The following AGO3 variants were observed in gnomAD, a reference collection of about 807,000 sequenced individuals.
AGO3 encodes argonaute RISC catalytic component 3, also known as protein argonaute-3.
Under a neutral mutation model 105.5 loss-of-function variants are expected in AGO3, and 16 were observed. That is an observed-to-expected ratio of 0.15 (90% CI 0.10 to 0.23). AGO3 has a LOEUF of 0.23. Ranked by LOEUF, AGO3 falls within the 10% of genes least tolerant of loss-of-function variation. AGO3 has a pLI of 1.00. For missense variants in AGO3, 534 were observed against 1,088.0 expected, an observed-to-expected ratio of 0.49 and a Z score of 7.16; for synonymous variants, 340 against 367.3, an observed-to-expected ratio of 0.93 and a Z score of 0.85.
At chr1:36,053,858 C>T (rs1642821975) in intron 17 of AGO3, among the ~76,000 whole-genome samples, 1 of 150,184 alleles carries the variant, frequency 6.7e-6, no homozygotes, top group Non-Finnish European at 1.5e-5. Context: ...AAGCGATTCT[C>T]CTGCCTCAGC....
At chr1:35,937,434 T>A (rs1339139478) in intron 1 of AGO3, among the ~76,000 whole-genome samples, 1 of 151,066 alleles carries the variant, frequency 6.6e-6, no homozygotes, top group Non-Finnish European at 1.5e-5. Flanking sequence ...GGCTCCCACC[T>A]GTAATCCCAG....
Position 36,072,110 on chromosome 1 carries a change from T to C in AGO3, c.*16365T>C, listed in dbSNP as rs980315013. On this transcript the variant is annotated 3_prime_UTR_variant, in exon 19 of 19. Transcript: ENST00000373191. ...GTTAAACTATCTTCCCCACAAAAAA[T>C]ATTATACTTCAGTTAAACTATCTTC... The C allele has an allele frequency of 6.6e-6, 1 of 152,220 alleles. No homozygotes were observed. The highest frequency in any genetic ancestry group is 1.5e-5 in the Non-Finnish European group (1 of 68,034). The allele number at this position is 152,220 out of a possible 1,614,324, so 9.4% of individuals were successfully genotyped here. A position where few individuals can be genotyped will look rare whatever the true frequency, so the allele number is the denominator to read the frequency against.
chr1:35,957,074 G>T (rs1236715841), intron 2 of AGO3, among the ~76,000 whole-genome samples: 1 of 152,112 alleles, frequency 6.6e-6, no homozygotes, highest in African/African-American at 2.4e-5. Context: ...GCCCAGCCTG[G>T]TGCAGTGGCT....
rs932409789 is a variant in AGO3, at chr1:36,008,146, C to A, written c.794-544C>A. Among the ~76,000 whole-genome samples, 13 of 152,098 alleles carry A rather than the reference C, an allele frequency of 8.5e-5. No homozygotes were observed. Among genetic ancestry groups the A allele is most frequent in the Non-Finnish European group, 1.9e-4 (13 of 68,028 alleles). ...AAAAGAGCTGTGTCACTATATTATA[C>A]CTCTATAAAAGTGTCACTTTGCTTC... On this transcript the variant is annotated intron_variant, in intron 6 of 18. Transcript: ENST00000373191. This position sits in a 1 kb window ranked among gnomAD's most constrained non-coding sequence, Gnocchi z 5.1.
chr1:36,001,063 C>T (rs1640060679), intron 5 of AGO3, among the ~76,000 whole-genome samples: 1 of 151,974 alleles, frequency 6.6e-6, no homozygotes, highest in Admixed American at 6.6e-5. Flanking sequence ...CGGTGAAACC[C>T]CGTCTCCACT....
At position 35,931,376 on chromosome 1, in the gene AGO3, C is replaced by T; in HGVS notation, c.-51C>T. 3 of 1,416,126 alleles carry T rather than the reference C, an allele frequency of 2.1e-6. No individual in the cohort carries two copies. Among genetic ancestry groups the T allele is most frequent in the South Asian group, 3.2e-5 (2 of 62,890 alleles). 87.7% of individuals were successfully genotyped at this position (1,416,126 alleles called of 1,614,324 possible). ...GTCGCCCCCCGGGCCGCCTCCTTGC[C>T]GCCAGTGGCGGGCTCCGTTCTCCCT... On this transcript the variant is annotated 5_prime_UTR_variant, in exon 1 of 19. Coordinates refer to ENST00000373191, the MANE Select transcript of AGO3 (RefSeq NM_024852.4).
intron 5 of AGO3, chr1:36,004,038 G>A (rs894716294): frequency 4.5e-6 from 1 of 220,512 alleles, no homozygotes; most frequent in Non-Finnish European, 8.8e-6. Context: ...CATCTGCCAC[G>A]GGGCTCCAGC....
rs1199338927 is a variant in AGO3 at position 36,056,581 on chromosome 1, TACATAC to T, written c.*840_*845del. On this transcript the variant is annotated 3_prime_UTR_variant, in exon 19 of 19. Transcript: ENST00000373191. The stretch of plus-strand genomic sequence containing the variant: ...AAAATTTTATATATATATGTATACA[TACATAC>T]ACAGACACAGACACACACATATATA... 1 of 152,184 alleles carries T rather than the reference TACATAC, an allele frequency of 6.6e-6. No homozygotes were observed. Among genetic ancestry groups the T allele is most frequent in the East Asian group, 1.9e-4 (1 of 5,192 alleles). 9.4% of individuals were successfully genotyped at this position (152,184 alleles called of 1,614,324 possible). A position where few individuals can be genotyped will look rare whatever the true frequency, so the allele number is the denominator to read the frequency against.
At chr1:36,052,329 A>G (rs1569954843) in intron 17 of AGO3, among the ~76,000 whole-genome samples, 1 of 152,316 alleles carries the variant, frequency 6.6e-6, no homozygotes. Context: ...TATATACTGC[A>G]TGATCTCACT....
At chr1:35,947,536 A>C (rs1221949073) in intron 2 of AGO3, among the ~76,000 whole-genome samples, 1 of 151,994 alleles carries the variant, frequency 6.6e-6, no homozygotes, top group East Asian at 1.9e-4. Context: ...CATCTTTGTC[A>C]CCCCATGTCA....
At chr1:35,933,129 G>A (rs1646085139) in intron 1 of AGO3, among the ~76,000 whole-genome samples, 1 of 152,176 alleles carries the variant, frequency 6.6e-6, no homozygotes, top group African/African-American at 2.4e-5. Flanking sequence ...TTGGGGAAGT[G>A]TGTAGTTAGA....
chr1:35,990,750 CAGTATT>C (rs1407070610), intron 5 of AGO3, among the ~76,000 whole-genome samples: 5 of 152,104 alleles, frequency 3.3e-5, no homozygotes, highest in African/African-American at 1.2e-4. Context: ...TTATTAATCA[CAGTATT>C]AGTGTTGCTT....
chr1:36,018,252 G>A (rs1006270220), intron 11 of AGO3, among the ~76,000 whole-genome samples: 1 of 151,652 alleles, frequency 6.6e-6, no homozygotes. Flanking sequence ...GATTACAGTT[G>A]TGAGCCACCA....
At chr1:36,016,135 G>T (rs1309220792) in intron 11 of AGO3, among the ~76,000 whole-genome samples, 4 of 152,130 alleles carry the variant, frequency 2.6e-5, no homozygotes, top group Non-Finnish European at 5.9e-5. Flanking sequence ...CTCAGTGTTT[G>T]GTACACAAGT....
At chr1:36,044,794 C>T (rs551378157) in intron 17 of AGO3, among the ~76,000 whole-genome samples, 2 of 152,216 alleles carry the variant, frequency 1.3e-5, no homozygotes, top group South Asian at 2.1e-4. Context: ...TCCAGAAAAC[C>T]TTTTCATTAA....
chr1:35,991,224 G>C (rs1647616568), intron 5 of AGO3, among the ~76,000 whole-genome samples: 3 of 152,056 alleles, frequency 2.0e-5, no homozygotes. Flanking sequence ...GAACCCAGGA[G>C]GCAGAGGTTG....
At chr1:35,943,385 A>G (rs1367341286) in intron 1 of AGO3, among the ~76,000 whole-genome samples, 5 of 137,566 alleles carry the variant, frequency 3.6e-5, no homozygotes, top group African/African-American at 1.4e-4. Flanking sequence ...CACTGCAGCT[A>G]CTGTCTCCCA....
At position 36,057,423 on chromosome 1, in the gene AGO3, A is replaced by T. The variant is rs1268366835; in HGVS notation, c.*1678A>T. The T allele has an allele frequency of 3.9e-5, 6 of 152,086 alleles. No individual in the cohort carries two copies. Among genetic ancestry groups the T allele is most frequent in the African/African-American group, 1.4e-4 (6 of 41,430 alleles). 9.4% of individuals were successfully genotyped at this position (152,086 alleles called of 1,614,324 possible). A position where few individuals can be genotyped will look rare whatever the true frequency, so the allele number is the denominator to read the frequency against. ...CTTCCTTTTCTTTTATATTTATTAG[A>T]ATAGTGCTTTAATAATTATAGAATT... On this transcript the variant is annotated 3_prime_UTR_variant, in exon 19 of 19. Coordinates refer to ENST00000373191, the MANE Select transcript of AGO3 (RefSeq NM_024852.4).
Position 36,056,539 on chromosome 1 carries a change from T to C in AGO3, c.*794T>C, listed in dbSNP as rs1642921732. ...AATTCTGAGTTCTCAACTCTTGATA[T>C]TGCTGTCTTAAGAAACAAAATTTTA... On this transcript the variant is annotated 3_prime_UTR_variant, in exon 19 of 19. Coordinates refer to ENST00000373191, the MANE Select transcript of AGO3 (RefSeq NM_024852.4). The C allele has an allele frequency of 6.6e-6, 1 of 152,168 alleles. No individual in the cohort carries two copies. The highest frequency in any genetic ancestry group is 2.1e-4 in the South Asian group (1 of 4,824). The allele number at this position is 152,168 out of a possible 1,614,324, so 9.4% of individuals were successfully genotyped here. A position where few individuals can be genotyped will look rare whatever the true frequency, so the allele number is the denominator to read the frequency against.
Sources: allele counts gnomAD v4.1 joint callset (sites outside exome capture counted in the v4.1 genomes callset), GRCh38; gene constraint gnomAD v4.1.1; non-coding constraint Gnocchi (gnomAD v3.1); transcripts MANE v1.5; gene names NCBI Gene and HGNC (gene_info 2026-07-23, HGNC 2026-07-21).